The following ADAMTS12 variants were observed in gnomAD, a reference collection of about 807,000 sequenced individuals.
ADAMTS12 encodes ADAM metallopeptidase with thrombospondin type 1 motif 12.
Under a neutral mutation model 167.8 loss-of-function variants are expected in ADAMTS12, and 118 were observed. That is an observed-to-expected ratio of 0.70 (90% CI 0.61 to 0.82). The LOEUF is 0.82. Among genes scored for constraint, ADAMTS12 ranks in the 40% least tolerant of loss-of-function variants. The pLI, the probability that ADAMTS12 is intolerant of heterozygous loss-of-function variation, is 0.00. For synonymous variants in ADAMTS12, 704 were observed against 716.9 expected, an observed-to-expected ratio of 0.98 and a Z score of 0.29; for missense variants, 1,916 against 1,998.8, an observed-to-expected ratio of 0.96 and a Z score of 0.79.
At position 33,637,733 on chromosome 5, in the gene ADAMTS12, C is replaced by A. The variant is rs756550892; in HGVS notation, c.1732G>T (p.Gly578Trp). The change falls in exon 12 of 24, where the codon GGG becomes TGG. Residue 578 changes from glycine to tryptophan, a missense_variant. Gly to Trp is a radical substitution (Grantham distance 184, BLOSUM62 -2). Coordinates refer to ENST00000504830, the MANE Select transcript of ADAMTS12 (RefSeq NM_030955.4). Reference protein sequence around the residue: ...LCNNPEPKFGGKYCTGERKRY... With the variant: ...LCNNPEPKFGWKYCTGERKRY... ...TTTCTTTCTCCAGTGCAATATTTCC[C>A]TCCAAACTTTGGCCTGCAAATGAAA... 1.2e-6 allele frequency: 2 copies of A among 1,612,836 alleles called. No homozygotes were observed. Among genetic ancestry groups the A allele is most frequent in the East Asian group, 4.5e-5 (2 of 44,834 alleles).
intron 2 of ADAMTS12, among the ~76,000 whole-genome samples, chr5:33,791,027 C>T (rs1395252127): frequency 6.6e-6 from 1 of 151,964 alleles, no homozygotes; most frequent in Admixed American, 6.6e-5. Flanking sequence ...GTCACACTCT[C>T]ATGATGAAAG....
At chr5:33,572,501 A>G (rs1746414407) in intron 19 of ADAMTS12, among the ~76,000 whole-genome samples, 2 of 150,686 alleles carry the variant, frequency 1.3e-5, no homozygotes, top group South Asian at 2.1e-4. Context: ...CAAAAACCAC[A>G]TGACTATCTC....
At chr5:33,673,996 G>T (rs12657882) in intron 5 of ADAMTS12, among the ~76,000 whole-genome samples, 145,510 of 152,270 alleles carry the variant, frequency 0.96, 69,876 homozygotes, top group Non-Finnish European at 1. Flanking sequence ...CACAGCACTT[G>T]CTGTGCAAGG....
intron 2 of ADAMTS12, among the ~76,000 whole-genome samples, chr5:33,866,037 A>C (rs753399188): frequency 4.3e-4 from 66 of 152,348 alleles, no homozygotes; most frequent in Non-Finnish European, 6.3e-4. Flanking sequence ...ATACTGCAAA[A>C]GTAATCTATA....
At chr5:33,586,583 G>C (rs1317468516) in intron 18 of ADAMTS12, among the ~76,000 whole-genome samples, 1 of 152,206 alleles carries the variant, frequency 6.6e-6, no homozygotes, top group Non-Finnish European at 1.5e-5. Flanking sequence ...AACACATTAA[G>C]AAGAACTCCT....
At chr5:33,645,686 T>G (rs1451398721) in intron 9 of ADAMTS12, among the ~76,000 whole-genome samples, 1 of 152,202 alleles carries the variant, frequency 6.6e-6, no homozygotes, top group African/African-American at 2.4e-5. Flanking sequence ...TTTTTTCAAT[T>G]TTTTGGAGTT....
At position 33,576,895 on chromosome 5, in the gene ADAMTS12, C is replaced by T. The variant is rs1274888076; in HGVS notation, c.3131G>A (p.Ser1044Asn). 1.2e-5 allele frequency: 20 copies of T among 1,614,124 alleles called. No individual in the cohort carries two copies. The highest frequency in any genetic ancestry group is 1.7e-5 in the Non-Finnish European group (20 of 1,179,998). ...TPTGPESMST[S>N]TPAISSPSPT... ...ACTAGGGCTGCTGATTGCTGGAGTG[C>T]TTGTGCTCATAGACTCAGGCCCTGT... is the stretch of plus-strand genomic sequence containing the variant. Residue 1044 changes from serine (S) to asparagine (N), a missense_variant, in exon 19 of 24, where the codon AGC becomes AAC. Ser to Asn is a conservative substitution (Grantham distance 46). Coordinates refer to ENST00000504830, the MANE Select transcript of ADAMTS12 (RefSeq NM_030955.4).
In ADAMTS12 at chr5:33,671,545, G is replaced by A. The variant is rs575406903; in HGVS notation, c.916-9505C>T. 5.9e-5 allele frequency among the ~76,000 whole-genome samples: 9 copies of A among 152,288 alleles called. No individual in the cohort carries two copies. The East Asian group carries it at 9.6e-4, about 16-fold the overall frequency. ...CTTAAAAATAACTGGTCTGAACCAA[G>A]GCTGGAGGGTTGCAATAGAAGATCT... On this transcript the variant is annotated intron_variant, in intron 5 of 23. Coordinates refer to ENST00000504830, the MANE Select transcript of ADAMTS12 (RefSeq NM_030955.4).
At chr5:33,539,009 T>G (rs2111774264) in intron 22 of ADAMTS12, among the ~76,000 whole-genome samples, 1 of 152,270 alleles carries the variant, frequency 6.6e-6, no homozygotes, top group East Asian at 1.9e-4. Context: ...TGGTACAATC[T>G]CGGCTCACTG....
chr5:33,540,325 C>T (rs868017811), intron 22 of ADAMTS12, among the ~76,000 whole-genome samples: 2 of 152,248 alleles, frequency 1.3e-5, no homozygotes, highest in Non-Finnish European at 2.9e-5. Context: ...TGGGCGGAGC[C>T]CACCACAGCT....
intron 19 of ADAMTS12, 22 bp from the exon 20 acceptor site, chr5:33,561,201 A>C: frequency 6.2e-7 from 1 of 1,609,702 alleles, no homozygotes; most frequent in Non-Finnish European, 8.5e-7. Flanking sequence ...AAGGAGAGAG[A>C]TGACAGAGGC....
chr5:33,647,187 A>G (rs142374429), intron 9 of ADAMTS12, among the ~76,000 whole-genome samples: 161 of 152,328 alleles, frequency 1.1e-3, no homozygotes, highest in Non-Finnish European at 1.8e-3. Flanking sequence ...CCGGAGAGCA[A>G]GAGGAGAGCG....
chr5:33,768,504 T>C (rs1407454523), intron 2 of ADAMTS12, among the ~76,000 whole-genome samples: 1 of 152,214 alleles, frequency 6.6e-6, no homozygotes, highest in Non-Finnish European at 1.5e-5. Flanking sequence ...ATTTAAATCA[T>C]GCAACAGAAT....
chr5:33,597,185 A>G (rs1421126531), intron 16 of ADAMTS12, among the ~76,000 whole-genome samples: 1 of 152,224 alleles, frequency 6.6e-6, no homozygotes, highest in Non-Finnish European at 1.5e-5. Context: ...TAACTAGGAC[A>G]TCATTAGCAA....
intron 3 of ADAMTS12, among the ~76,000 whole-genome samples, chr5:33,733,786 C>T (rs1207814884): frequency 2.0e-5 from 3 of 152,110 alleles, no homozygotes; most frequent in African/African-American, 7.2e-5. Context: ...CAGCGAGACA[C>T]GGGGGCTGCC....
chr5:33,879,710 G>A (rs1750360669), intron 2 of ADAMTS12, among the ~76,000 whole-genome samples: 1 of 152,170 alleles, frequency 6.6e-6, no homozygotes, highest in African/African-American at 2.4e-5. Context: ...TCCATTTATT[G>A]TACAAAGCAA....
Position 33,836,600 on chromosome 5 carries a change from T to C in ADAMTS12, c.489+44519A>G, listed in dbSNP as rs562270682. Among the ~76,000 whole-genome samples, 6 of 151,750 alleles carry C rather than the reference T, an allele frequency of 4.0e-5. No homozygotes were observed. The East Asian group carries it at 1.2e-3, about 29-fold the overall frequency. The stretch of plus-strand genomic sequence containing the variant: ...ACCAAGGCAACAAAAAAGCACAAAG[T>C]CCATTCTGTAGAAGTGCTGGGTGGG... On this transcript the variant is annotated intron_variant, in intron 2 of 23. Coordinates refer to ENST00000504830, the MANE Select transcript of ADAMTS12 (RefSeq NM_030955.4).
At chr5:33,788,520 A>G (rs1386706207) in intron 2 of ADAMTS12, among the ~76,000 whole-genome samples, 1 of 152,082 alleles carries the variant, frequency 6.6e-6, no homozygotes, top group Non-Finnish European at 1.5e-5. Flanking sequence ...CAAAAAGCAA[A>G]TGTTGTCTTT....
At chr5:33,583,756 C>A (rs959730468) in intron 18 of ADAMTS12, among the ~76,000 whole-genome samples, 4 of 152,272 alleles carry the variant, frequency 2.6e-5, no homozygotes, top group Middle Eastern at 3.4e-3. Flanking sequence ...ATATTGAGCA[C>A]CTTTTCATAT....
Sources: gnomAD v4.1 joint callset for allele counts (sites outside exome capture counted in the v4.1 genomes callset) on GRCh38, gnomAD v4.1.1 for gene constraint, MANE v1.5 for transcripts, NCBI Gene and HGNC (gene_info 2026-07-23, HGNC 2026-07-21) for gene names.